PRICKLE2: variants seen among roughly 807,000 people sequenced by gnomAD.
PRICKLE2 encodes the protein prickle-like protein 2.
PRICKLE2 carries 21 observed loss-of-function variants against 81.4 expected under a neutral mutation model. The observed-to-expected ratio is 0.26, with a 90% CI of 0.18 to 0.37. The LOEUF is 0.37. Ranked by LOEUF, PRICKLE2 falls within the 10% of genes least tolerant of loss-of-function variation. The pLI, the probability that PRICKLE2 is intolerant of heterozygous loss-of-function variation, is 1.00. For missense variants in PRICKLE2, 940 were observed against 1,109.0 expected, an observed-to-expected ratio of 0.85 and a Z score of 2.16; for synonymous variants, 456 against 421.5, an observed-to-expected ratio of 1.08 and a Z score of -1.00.
chr3:64,206,272 C>G (rs917873347), intron 1 of PRICKLE2, among the ~76,000 whole-genome samples: 2 of 152,266 alleles, frequency 1.3e-5, no homozygotes, highest in African/African-American at 4.8e-5. Flanking sequence ...CCAAGCACAG[C>G]TCAAGGCCAC....
intron 7 of PRICKLE2, among the ~76,000 whole-genome samples, chr3:64,117,610 A>G (rs2076956589): frequency 6.6e-6 from 1 of 152,188 alleles, no homozygotes; most frequent in Non-Finnish European, 1.5e-5. Flanking sequence ...AATTGCCACA[A>G]AAAGAATACA....
At chr3:64,188,894 C>G (rs575465360) in intron 2 of PRICKLE2, among the ~76,000 whole-genome samples, 7 of 152,296 alleles carry the variant, frequency 4.6e-5, no homozygotes, top group East Asian at 1.9e-4. Flanking sequence ...CTGTCAACTC[C>G]TTGCTCCAGA....
rs2076533147 is a variant in PRICKLE2, at chr3:64,093,739, G to C, written c.*5312C>G. The C allele has an allele frequency of 6.6e-6, 1 of 152,068 alleles. No individual in the cohort carries two copies. The highest frequency in any genetic ancestry group is 2.4e-5 in the African/African-American group (1 of 41,390). The allele number at this position is 152,068 out of a possible 1,614,324, so 9.4% of individuals were successfully genotyped here. A position where few individuals can be genotyped will look rare whatever the true frequency, so the allele number is the denominator to read the frequency against. ...TTAGAAACCCTGATTTAAACAATCAGGTTAATATTTCATAGTAAAACTCAT... is the reference window on the plus strand; with the variant it reads ...TTAGAAACCCTGATTTAAACAATCACGTTAATATTTCATAGTAAAACTCAT... On this transcript the variant is annotated 3_prime_UTR_variant, in exon 8 of 8. Transcript: ENST00000638394.
Position 64,258,803 on chromosome 3 carries a change from G to A in PRICKLE2, c.129-59836C>T, listed in dbSNP as rs537586626. On this transcript the variant is annotated intron_variant, in intron 2 of 8. Coordinates refer to the PRICKLE2 transcript ENST00000295902. ...CATGCCACTGCACTCTAGCCTGGGCGACAGAGCAAGACTCTGTCTCAAAAA... is the reference window on the plus strand; with the variant it reads ...CATGCCACTGCACTCTAGCCTGGGCAACAGAGCAAGACTCTGTCTCAAAAA... 1.9e-3 allele frequency among the ~76,000 whole-genome samples: 234 copies of A among 120,508 alleles called. 1 individual carries two copies. The highest frequency in any genetic ancestry group is 6.6e-3 in the African/African-American group (211 of 32,072). The allele number at this position is 120,508 out of a possible 152,430, so 79.1% of individuals were successfully genotyped here.
At chr3:64,157,463 G>T in intron 4 of PRICKLE2, 98 bp from the exon 5 acceptor site, 2 of 1,261,122 alleles carry the variant, frequency 1.6e-6, no homozygotes, top group Non-Finnish European at 2.3e-6. Flanking sequence ...TGGCTACTGA[G>T]TGCTTATGTT....
chr3:64,124,570 C>CT (rs1198069103), intron 7 of PRICKLE2, among the ~76,000 whole-genome samples: 1 of 151,992 alleles, frequency 6.6e-6, no homozygotes, highest in Non-Finnish European at 1.5e-5. Flanking sequence ...CAGCTGGTGA[C>CT]TTTAAGTTGA....
intron 2 of PRICKLE2, among the ~76,000 whole-genome samples, chr3:64,260,038 G>A (rs907384293): frequency 1.3e-5 from 2 of 152,068 alleles, no homozygotes; most frequent in African/African-American, 2.4e-5. Context: ...TGAAAAACAC[G>A]CCAGAATCAC....
rs796940955 is a variant in PRICKLE2, at chr3:64,258,893, G to GAAAGAAAGAAAGAAATAAATAAATAAAT, written c.129-59927_129-59926insATTTATTTATTTATTTCTTTCTTTCTTT. ...AGAAAGAAAGAAAGAAAGAAAGAAA[G>GAAAGAAAGAAAGAAATAAATAAATAAAT]AAATCAGGAGAGTGGTTAGAATTAA... is the stretch of plus-strand genomic sequence containing the variant. On this transcript the variant is annotated intron_variant, in intron 2 of 8. Coordinates refer to the PRICKLE2 transcript ENST00000295902. Among the ~76,000 whole-genome samples the GAAAGAAAGAAAGAAATAAATAAATAAAT allele has an allele frequency of 2.8e-5, 4 of 140,980 alleles. 1 individual carries two copies. The highest frequency in any genetic ancestry group is 1.1e-4 in the African/African-American group (4 of 35,942). 92.5% of individuals were successfully genotyped at this position (140,980 alleles called of 152,430 possible). A position where few individuals can be genotyped will look rare whatever the true frequency, so the allele number is the denominator to read the frequency against.
intron 1 of PRICKLE2, among the ~76,000 whole-genome samples, chr3:64,223,526 T>C (rs987147002): frequency 6.6e-6 from 1 of 152,222 alleles, no homozygotes; most frequent in African/African-American, 2.4e-5. Context: ...TAAATCTTTA[T>C]AAACACACCA....
intron 2 of PRICKLE2, among the ~76,000 whole-genome samples, chr3:64,169,159 G>A (rs1165931515): frequency 6.6e-6 from 1 of 152,136 alleles, no homozygotes; most frequent in Non-Finnish European, 1.5e-5. Context: ...CTAGACAGTT[G>A]TTAGCCAAGA....
At chr3:64,215,579 A>G (rs2078858819) in intron 1 of PRICKLE2, among the ~76,000 whole-genome samples, 1 of 152,226 alleles carries the variant, frequency 6.6e-6, no homozygotes, top group Admixed American at 6.5e-5. Flanking sequence ...GATATGACCA[A>G]AGCGTAAATT....
In PRICKLE2 at chr3:64,170,437, C is replaced by T. The variant is rs58550900; in HGVS notation, c.145-7308G>A. 3.3e-4 allele frequency among the ~76,000 whole-genome samples: 50 copies of T among 152,276 alleles called. 1 individual carries two copies. The highest frequency in any genetic ancestry group is 1.2e-3 in the African/African-American group (48 of 41,558). On this transcript the variant is annotated intron_variant, in intron 2 of 7. Transcript: ENST00000638394. ...ACCAGTCTAGCTATGACTAAGTGCT[C>T]GCCTGAGCTATTGCTGTGGCTACTT...
chr3:64,263,903 T>C (rs139536543), intron 2 of PRICKLE2, among the ~76,000 whole-genome samples: 1 of 152,244 alleles, frequency 6.6e-6, no homozygotes, highest in Non-Finnish European at 1.5e-5. Flanking sequence ...CTCCCTCAAT[T>C]CCATCACAGT....
At chr3:64,167,951 C>T (rs148182213) in intron 2 of PRICKLE2, among the ~76,000 whole-genome samples, 3,432 of 152,264 alleles carry the variant, frequency 0.023, 62 homozygotes, top group Middle Eastern at 0.048. Flanking sequence ...CAACAACCAA[C>T]ATTATGCAGT....
At chr3:64,169,123 C>G (rs1021428727) in intron 2 of PRICKLE2, among the ~76,000 whole-genome samples, 8 of 152,172 alleles carry the variant, frequency 5.3e-5, no homozygotes, top group Non-Finnish European at 1.2e-4. Context: ...AAGGGTGTGA[C>G]TTCTGGGAAG....
Position 64,183,638 on chromosome 3 carries a change from G to T in PRICKLE2, c.144+15146C>A, listed in dbSNP as rs59665895. Among the ~76,000 whole-genome samples, 1,439 of 152,192 alleles carry T rather than the reference G, an allele frequency of 9.5e-3. 25 individuals are homozygous for T. Among genetic ancestry groups the T allele is most frequent in the African/African-American group, 0.033 (1,352 of 41,524 alleles). On this transcript the variant is annotated intron_variant, in intron 2 of 7. Coordinates refer to ENST00000638394, the MANE Select transcript of PRICKLE2 (RefSeq NM_198859.4). ...AGCTATAGAGTATATCACAGCAATA[G>T]TAATTACTGTTCATGAACTCTATCA...
intron 7 of PRICKLE2, among the ~76,000 whole-genome samples, chr3:64,114,592 T>C (rs2076904234): frequency 6.6e-6 from 1 of 151,098 alleles, no homozygotes. Flanking sequence ...CAAGTATTAA[T>C]AGAATAGAGT....
chr3:64,160,789 C>T (rs1193760191), intron 3 of PRICKLE2, among the ~76,000 whole-genome samples: 1 of 152,198 alleles, frequency 6.6e-6, no homozygotes, highest in Non-Finnish European at 1.5e-5. Flanking sequence ...TCCAGTATCT[C>T]CCCTTACTTA....
intron 2 of PRICKLE2, among the ~76,000 whole-genome samples, chr3:64,244,429 A>T (rs1308704745): frequency 6.6e-6 from 1 of 152,208 alleles, no homozygotes; most frequent in African/African-American, 2.4e-5. Context: ...CTCACTTGAA[A>T]ATGTCGGGGA....
Sources: allele counts gnomAD v4.1 joint callset (sites outside exome capture counted in the v4.1 genomes callset), GRCh38; gene constraint gnomAD v4.1.1; transcripts MANE v1.5; gene names NCBI Gene and HGNC (gene_info 2026-07-23, HGNC 2026-07-21).